Variants in TTC7A observed in about 807,000 individuals in gnomAD.
TTC7A encodes the protein tetratricopeptide repeat domain 7A.
In TTC7A, 110 loss-of-function variants were observed where a neutral mutation model predicts 103.7. The observed-to-expected ratio is 1.06, with a 90% CI of 0.91 to 1.24. The LOEUF (loss-of-function observed/expected upper bound fraction) is 1.24. Ranked by LOEUF, TTC7A falls within the 50% of genes most tolerant of loss-of-function variation. The pLI, the probability that TTC7A is intolerant of heterozygous loss-of-function variation, is 0.00. For synonymous variants in TTC7A, 521 were observed against 467.9 expected (o/e 1.11, Z -1.47); for missense variants, 1,340 against 1,116.3 (o/e 1.20, Z -2.86).
chr2:47,017,385 AAGTC>A lies in TTC7A; in HGVS notation c.1393-4474_1393-4471del, dbSNP rs1215171508. Among the ~76,000 whole-genome samples, 5 of 151,324 alleles carry A rather than the reference AAGTC, an allele frequency of 3.3e-5. 1 individual carries two copies. The highest frequency in any genetic ancestry group is 1.2e-4 in the African/African-American group (5 of 41,222). ...CAAAAAATAAAAATAAAAAGGTAAAAAGTCAGCCTGGTGCAATGGTGCGTGCCTG... is the reference window on the plus strand; with the variant it reads ...CAAAAAATAAAAATAAAAAGGTAAAAAGCCTGGTGCAATGGTGCGTGCCTG... On this transcript the variant is annotated intron_variant, in intron 11 of 19. Transcript: ENST00000319190.
At chr2:47,029,155 G>C in intron 14 of TTC7A, 69 bp from the exon 15 acceptor site, 2 of 1,572,956 alleles carry the variant, frequency 1.3e-6, no homozygotes, top group Non-Finnish European at 1.7e-6. Flanking sequence ...TTGTTGACTG[G>C]CACGTGGCTC....
chr2:46,982,561 C>G (rs1674577807), intron 5 of TTC7A, among the ~76,000 whole-genome samples: 3 of 152,208 alleles, frequency 2.0e-5, no homozygotes. Flanking sequence ...CTCTCTGAAC[C>G]TCTGCTTTCC....
chr2:47,010,221 G>T (rs541959838), intron 10 of TTC7A, among the ~76,000 whole-genome samples: 44 of 152,270 alleles, frequency 2.9e-4, no homozygotes, highest in African/African-American at 1.0e-3. Flanking sequence ...AGACGTTGTT[G>T]ACTCTGCAGG....
Position 46,941,433 on chromosome 2 carries a change from C to G in TTC7A, c.-109C>G, listed in dbSNP as rs900932379. ...CCGCTGCCGCCCGGGCCCCGGCTGC[C>G]GTCTGCGCCCCCGTCGACCCCGCCC... is the stretch of plus-strand genomic sequence containing the variant. On this transcript the variant is annotated 5_prime_UTR_variant, in exon 1 of 20. Coordinates refer to ENST00000319190, the MANE Select transcript of TTC7A (RefSeq NM_020458.4). This position sits in a 1 kb window ranked among gnomAD's most constrained non-coding sequence, Gnocchi z 4.2. 1.2e-5 allele frequency: 14 copies of G among 1,206,152 alleles called. No individual in the cohort carries two copies. The South Asian group carries it at 3.4e-4, about 29-fold the overall frequency. The allele number at this position is 1,206,152 out of a possible 1,614,324, so 74.7% of individuals were successfully genotyped here. A position where few individuals can be genotyped will look rare whatever the true frequency, so the allele number is the denominator to read the frequency against.
At position 46,946,345 on chromosome 2, in the gene TTC7A, G is replaced by C. The variant is rs374973714; in HGVS notation, c.185-4018G>C. Among the ~76,000 whole-genome samples, 7 of 152,314 alleles carry C rather than the reference G, an allele frequency of 4.6e-5. No individual in the cohort carries two copies. The East Asian group carries it at 1.4e-3, about 29-fold the overall frequency. ...GATAGGTAGTAGGTTTCGGACAACA[G>C]GATGATAAAAAGCAACTTGTTTTCC... On this transcript the variant is annotated intron_variant, in intron 1 of 19. Transcript: ENST00000319190.
intron 19 of TTC7A, among the ~76,000 whole-genome samples, chr2:47,072,867 G>T (rs988643702): frequency 2.0e-5 from 3 of 152,182 alleles, no homozygotes; most frequent in Non-Finnish European, 4.4e-5. Flanking sequence ...TCCCAGTGTG[G>T]GTAGAAGAGG....
chr2:47,015,980 T>C (rs1018896309), intron 11 of TTC7A, among the ~76,000 whole-genome samples: 1 of 152,164 alleles, frequency 6.6e-6, no homozygotes, highest in Non-Finnish European at 1.5e-5. Flanking sequence ...TGTTAAAAAC[T>C]CTGCGGGCTC....
chr2:47,070,297 C>A (rs1183623204), intron 19 of TTC7A, among the ~76,000 whole-genome samples: 1 of 152,198 alleles, frequency 6.6e-6, no homozygotes, highest in Non-Finnish European at 1.5e-5. Flanking sequence ...TGAGCCCAGA[C>A]CCTAGCAAGA....
intron 15 of TTC7A, among the ~76,000 whole-genome samples, chr2:47,031,022 C>T (rs1327853168): frequency 6.6e-6 from 1 of 152,148 alleles, no homozygotes; most frequent in East Asian, 1.9e-4. Flanking sequence ...TGGCAGGTGC[C>T]TGTAATCCCA....
At chr2:47,056,230 T>TG (rs1219723522) in intron 18 of TTC7A, among the ~76,000 whole-genome samples, 1 of 152,234 alleles carries the variant, frequency 6.6e-6, no homozygotes, top group African/African-American at 2.4e-5. Flanking sequence ...ACCTTCCTTC[T>TG]TTTTCTGGGC....
intron 14 of TTC7A, among the ~76,000 whole-genome samples, chr2:47,026,412 T>C (rs1478697604): frequency 6.6e-6 from 1 of 152,126 alleles, no homozygotes; most frequent in Non-Finnish European, 1.5e-5. Flanking sequence ...CGGGGAGAAC[T>C]CCGGGCCTGG....
intron 19 of TTC7A, among the ~76,000 whole-genome samples, chr2:47,065,069 C>T (rs1444931402): frequency 2.0e-5 from 3 of 152,104 alleles, no homozygotes; most frequent in Non-Finnish European, 4.4e-5. Context: ...GGGCGGATCA[C>T]GAGGTCAGGA....
Position 47,010,356 on chromosome 2 carries a change from G to T in TTC7A, c.1288-975G>T, listed in dbSNP as rs530876961. Among the ~76,000 whole-genome samples, 6 of 152,324 alleles carry T rather than the reference G, an allele frequency of 3.9e-5. No homozygotes were observed. The East Asian group carries it at 1.2e-3, about 29-fold the overall frequency. ...CTTTATTTACAAAAATAGGCAGAGG[G>T]CCAGATTTGGCCTGTGAACTGTTTT... On this transcript the variant is annotated intron_variant, in intron 10 of 19. Coordinates refer to ENST00000319190, the MANE Select transcript of TTC7A (RefSeq NM_020458.4).
intron 11 of TTC7A, among the ~76,000 whole-genome samples, chr2:47,019,635 A>G (rs1679063678): frequency 6.6e-6 from 1 of 152,100 alleles, no homozygotes; most frequent in African/African-American, 2.4e-5. Context: ...TTAATCTAGA[A>G]TATGATGTAT....
chr2:47,003,795 T>C (rs1364291752), intron 8 of TTC7A, among the ~76,000 whole-genome samples: 1 of 152,212 alleles, frequency 6.6e-6, no homozygotes, highest in Non-Finnish European at 1.5e-5. Flanking sequence ...CCCCGTCCTC[T>C]CACACCCGAG....
At chr2:46,923,551 TTACTC>T (rs750562392) in intron 2 of TTC7A, among the ~76,000 whole-genome samples, 91 of 152,300 alleles carry the variant, frequency 6.0e-4, no homozygotes, top group Admixed American at 2.4e-3. Context: ...ACCTGTCTCT[TTACTC>T]TTTTTAACAC....
Position 46,962,379 on chromosome 2 carries a change from T to C in TTC7A, c.517+5372T>C, listed in dbSNP as rs552120282. 2.6e-5 allele frequency among the ~76,000 whole-genome samples: 4 copies of C among 152,250 alleles called. No individual in the cohort carries two copies. In the South Asian group the frequency reaches 8.3e-4, roughly 32 times the overall value. On this transcript the variant is annotated intron_variant, in intron 3 of 19. Coordinates refer to ENST00000319190, the MANE Select transcript of TTC7A (RefSeq NM_020458.4). ...CAGTATGCACGTCCATTCTACCCAGTTAGGGGTCAGTATGTTCCTCCACCG... is the reference window on the plus strand; with the variant it reads ...CAGTATGCACGTCCATTCTACCCAGCTAGGGGTCAGTATGTTCCTCCACCG...
Position 46,979,430 on chromosome 2 carries a change from C to T in TTC7A, c.764+523C>T, listed in dbSNP as rs113239568. On this transcript the variant is annotated intron_variant, in intron 5 of 19. Transcript: ENST00000319190. ...TTCTGGCGTCACGCTGGGGCTGTGGCTGTCCCTGCTGACGAAGCAGCAGAA... is the reference window on the plus strand; with the variant it reads ...TTCTGGCGTCACGCTGGGGCTGTGGTTGTCCCTGCTGACGAAGCAGCAGAA... Among the ~76,000 whole-genome samples, 422 of 152,250 alleles carry T rather than the reference C, an allele frequency of 2.8e-3. 3 individuals are homozygous for T. Among genetic ancestry groups the T allele is most frequent in the African/African-American group, 9.2e-3 (382 of 41,534 alleles).
intron 15 of TTC7A, among the ~76,000 whole-genome samples, chr2:47,034,679 A>G (rs778960046): frequency 3.2e-4 from 48 of 152,150 alleles, no homozygotes; most frequent in East Asian, 1.9e-4. Flanking sequence ...CAGGCCATAC[A>G]TAGGTCAAGG....
Sources: gnomAD v4.1 joint callset for allele counts (sites outside exome capture counted in the v4.1 genomes callset) on GRCh38, gnomAD v4.1.1 for gene constraint, Gnocchi (gnomAD v3.1) non-coding constraint, MANE v1.5 for transcripts, NCBI Gene and HGNC (gene_info 2026-07-23, HGNC 2026-07-21) for gene names.